CCDC148: variants seen among roughly 807,000 people sequenced by gnomAD.
The protein encoded by CCDC148 is coiled-coil domain containing 148, also known as coiled-coil domain-containing protein 148.
A neutral mutation model predicts 85.7 loss-of-function variants in CCDC148; 89 were observed. That is an observed-to-expected ratio of 1.04 (90% confidence interval 0.87 to 1.24). The LOEUF (loss-of-function observed/expected upper bound fraction) is 1.24, where lower values mean the gene tolerates loss of function less well. CCDC148 is among the 50% of genes most tolerant of loss of function. The probability of loss-of-function intolerance (pLI) is 0.00; values close to 1 mark genes in which losing one functional copy is unlikely to be tolerated. For missense variants in CCDC148, 692 were observed against 671.7 expected (o/e 1.03, Z -0.33); for synonymous variants, 230 against 213.9 (o/e 1.08, Z -0.66).
At chr2:158,199,600 T>C (rs1352096757) in intron 11 of CCDC148, among the ~76,000 whole-genome samples, 3 of 152,216 alleles carry the variant, frequency 2.0e-5, no homozygotes, top group African/African-American at 7.2e-5. Context: ...ATTATTTTTC[T>C]ATAACAGACT....
chr2:158,239,972 C>T lies in CCDC148; in HGVS notation c.1251+10800G>A, dbSNP rs191632875. Among the ~76,000 whole-genome samples the T allele has an allele frequency of 6.0e-4, 92 of 152,168 alleles. 1 individual carries two copies. The highest frequency in any genetic ancestry group is 1.1e-3 in the Non-Finnish European group (77 of 68,008). On this transcript the variant is annotated intron_variant, in intron 10 of 13. Transcript: ENST00000283233. ...ACTAATAACTAAATAAAAAATACTCCCTTAAACTTTGCAAGATCACATGTC... is the reference window on the plus strand; with the variant it reads ...ACTAATAACTAAATAAAAAATACTCTCTTAAACTTTGCAAGATCACATGTC...
chr2:158,437,561 C>G (rs556566830), intron 1 of CCDC148, among the ~76,000 whole-genome samples: 2 of 152,302 alleles, frequency 1.3e-5, no homozygotes, highest in African/African-American at 4.8e-5. Flanking sequence ...CCTTTGAAAA[C>G]TGGCACAAGA....
rs911519174 is a variant in CCDC148, at chr2:158,366,171, A to C, written c.26-7601T>G. ...TGAAGTATTTTTAAAAGTAAGACCC[A>C]GGACTGGGTGCCATAATGCTTTTAA... On this transcript the variant is annotated intron_variant, in intron 1 of 13. Coordinates refer to ENST00000283233, the MANE Select transcript of CCDC148 (RefSeq NM_138803.4). 2.3e-5 allele frequency: 20 copies of C among 873,660 alleles called. No homozygotes were observed. In the African/African-American group the frequency reaches 3.4e-4, roughly 15 times the overall value. 54.1% of individuals were successfully genotyped at this position (873,660 alleles called of 1,614,324 possible). A position where few individuals can be genotyped will look rare whatever the true frequency, so the allele number is the denominator to read the frequency against.
chr2:158,298,993 G>C (rs145806535), intron 9 of CCDC148, among the ~76,000 whole-genome samples: 37 of 152,254 alleles, frequency 2.4e-4, no homozygotes, highest in Non-Finnish European at 4.6e-4. Context: ...ACAGTGTTGA[G>C]CCTTAGTCAG....
intron 9 of CCDC148, among the ~76,000 whole-genome samples, chr2:158,282,859 C>G (rs552566143): frequency 6.6e-6 from 1 of 152,202 alleles, no homozygotes; most frequent in Non-Finnish European, 1.5e-5. Flanking sequence ...GGAGGCGTCA[C>G]GCTACTTGAC....
intron 1 of CCDC148, among the ~76,000 whole-genome samples, chr2:158,433,228 A>T (rs1687454293): frequency 6.9e-6 from 1 of 145,582 alleles, no homozygotes; most frequent in Non-Finnish European, 1.5e-5. Flanking sequence ...CCACTGTACT[A>T]TAGCCGGGGC....
chr2:158,258,613 T>C (rs376414261), intron 9 of CCDC148, among the ~76,000 whole-genome samples: 2 of 151,930 alleles, frequency 1.3e-5, no homozygotes, highest in South Asian at 2.1e-4. Context: ...ATCCTAACAC[T>C]GCCTGTCCCT....
At chr2:158,305,310 G>A (rs138790134) in intron 9 of CCDC148, among the ~76,000 whole-genome samples, 3 of 152,200 alleles carry the variant, frequency 2.0e-5, no homozygotes, top group Non-Finnish European at 4.4e-5. Flanking sequence ...GGGGAAAAGA[G>A]CAGGATTGTT....
intron 1 of CCDC148, among the ~76,000 whole-genome samples, chr2:158,395,554 T>G (rs1312494769): frequency 6.6e-6 from 1 of 152,162 alleles, no homozygotes. Context: ...TTTCTGGTAG[T>G]GTACAAAGAT....
In CCDC148 at chr2:158,250,758, A is replaced by C; in HGVS notation, c.1251+14T>G. ...CATTCATTCACACATTCGTATTGACAATAGATTTTTTACTTTTTTTTTCTT... is the reference window on the plus strand; with the variant it reads ...CATTCATTCACACATTCGTATTGACCATAGATTTTTTACTTTTTTTTTCTT... On this transcript the variant is annotated intron_variant, in intron 10 of 13. Transcript: ENST00000283233. The C allele has an allele frequency of 6.5e-7, 1 of 1,532,074 alleles. No individual in the cohort carries two copies. Among genetic ancestry groups the C allele is most frequent in the Non-Finnish European group, 8.7e-7 (1 of 1,143,290 alleles). 94.9% of individuals were successfully genotyped at this position (1,532,074 alleles called of 1,614,324 possible).
At chr2:158,269,714 T>C (rs1386713011) in intron 9 of CCDC148, among the ~76,000 whole-genome samples, 1 of 152,176 alleles carries the variant, frequency 6.6e-6, no homozygotes, top group Non-Finnish European at 1.5e-5. Flanking sequence ...CCCATAGTGG[T>C]GACCAACAAA....
intron 7 of CCDC148, among the ~76,000 whole-genome samples, chr2:158,322,341 A>G (rs1014847914): frequency 6.6e-6 from 1 of 152,152 alleles, no homozygotes; most frequent in African/African-American, 2.4e-5. Flanking sequence ...ATTGTAAAAT[A>G]ATATTTAATA....
In CCDC148 at chr2:158,371,671, CAT is replaced by C. The variant is rs60128846; in HGVS notation, c.26-13103_26-13102del. Among the ~76,000 whole-genome samples, 205 of 149,310 alleles carry C rather than the reference CAT, an allele frequency of 1.4e-3. No homozygotes were observed. The Middle Eastern group carries it at 0.017, about 13-fold the overall frequency. On this transcript the variant is annotated intron_variant, in intron 1 of 13. Transcript: ENST00000283233. ...ATCATTCTATTTGTGTGTTCATATA[CAT>C]ATATATATATATACACACGTGCCTT...
chr2:158,271,844 G>T (rs565853224), intron 9 of CCDC148, among the ~76,000 whole-genome samples: 9 of 152,136 alleles, frequency 5.9e-5, no homozygotes, highest in Non-Finnish European at 1.3e-4. Flanking sequence ...TTTATTTAGG[G>T]TTACTACTGT....
intron 11 of CCDC148, among the ~76,000 whole-genome samples, chr2:158,212,337 C>T (rs1686623700): frequency 6.6e-6 from 1 of 152,198 alleles, no homozygotes; most frequent in Admixed American, 6.5e-5. Context: ...ACTAAACATA[C>T]TCTTTAAAGA....
At chr2:158,225,531 T>C (rs1029197720) in intron 10 of CCDC148, among the ~76,000 whole-genome samples, 1 of 152,064 alleles carries the variant, frequency 6.6e-6, no homozygotes, top group Non-Finnish European at 1.5e-5. Context: ...CACACTTATT[T>C]CAAAATTGAC....
intron 11 of CCDC148, among the ~76,000 whole-genome samples, chr2:158,193,719 G>C (rs946050570): frequency 1.3e-5 from 2 of 152,018 alleles, no homozygotes; most frequent in African/African-American, 4.8e-5. Context: ...GAACATTGGA[G>C]TATATAAGGC....
intron 10 of CCDC148, among the ~76,000 whole-genome samples, chr2:158,226,655 G>C (rs572548651): frequency 3.9e-5 from 6 of 152,046 alleles, no homozygotes; most frequent in Non-Finnish European, 7.4e-5. Context: ...TTCAACATAC[G>C]CAAATCAATA....
At chr2:158,349,465 A>G (rs1239780172) in intron 2 of CCDC148, among the ~76,000 whole-genome samples, 1 of 151,938 alleles carries the variant, frequency 6.6e-6, no homozygotes, top group Non-Finnish European at 1.5e-5. Flanking sequence ...AATATATGAA[A>G]GAATAAGAGA....
Sources: gnomAD v4.1 joint callset for allele counts (sites outside exome capture counted in the v4.1 genomes callset) on GRCh38, gnomAD v4.1.1 for gene constraint, MANE v1.5 for transcripts, NCBI Gene and HGNC (gene_info 2026-07-23, HGNC 2026-07-21) for gene names.